Variants in EEA1 observed in about 807,000 individuals in gnomAD.
EEA1 encodes early endosome antigen 1.
In EEA1, 111 loss-of-function variants were observed where a neutral mutation model predicts 209.2. The observed-to-expected ratio is 0.53, with a 90% CI of 0.45 to 0.62. The LOEUF is 0.62. Ranked by LOEUF, EEA1 falls within the 20% of genes least tolerant of loss-of-function variation. EEA1 has a pLI of 0.00. For missense variants in EEA1, 1,343 were observed against 1,530.8 expected (o/e 0.88, Z 2.05); for synonymous variants, 536 against 540.6 (o/e 0.99, Z 0.12).
At chr12:92,928,487 G>A (rs1314642973) in intron 1 of EEA1, among the ~76,000 whole-genome samples, 2 of 152,198 alleles carry the variant, frequency 1.3e-5, no homozygotes, top group African/African-American at 4.8e-5. Flanking sequence ...CTGTGCCAGT[G>A]TCAGTCCCAC....
intron 12 of EEA1, among the ~76,000 whole-genome samples, chr12:92,827,542 A>G (rs1041249378): frequency 6.6e-6 from 1 of 152,162 alleles, no homozygotes; most frequent in African/African-American, 2.4e-5. Context: ...TTAAATGGAA[A>G]CTCAAAGTTT....
chr12:92,926,245 G>A (rs189311060), intron 1 of EEA1, among the ~76,000 whole-genome samples: 8 of 151,580 alleles, frequency 5.3e-5, no homozygotes, highest in Admixed American at 3.3e-4. Context: ...CGCCCGTCTC[G>A]GCCTCCCAAA....
chr12:92,910,432 G>C (rs1378241218), intron 1 of EEA1, among the ~76,000 whole-genome samples: 2 of 151,388 alleles, frequency 1.3e-5, no homozygotes, highest in Non-Finnish European at 2.9e-5. Flanking sequence ...TCATGCCACT[G>C]CACTACAGCC....
At chr12:92,816,132 G>A in intron 15 of EEA1, 68 bp downstream of exon 15, 1 of 1,396,390 alleles carries the variant, frequency 7.2e-7, no homozygotes, top group Non-Finnish European at 9.9e-7. Context: ...AAAAGAGATA[G>A]AAACAGAATT....
At chr12:92,903,589 A>G (rs922296061) in intron 1 of EEA1, among the ~76,000 whole-genome samples, 5 of 150,912 alleles carry the variant, frequency 3.3e-5, no homozygotes, top group African/African-American at 4.9e-5. Context: ...CAAAAGCAAA[A>G]CTCCATCTCA....
At chr12:92,909,143 G>C (rs1880490188) in intron 1 of EEA1, among the ~76,000 whole-genome samples, 1 of 152,140 alleles carries the variant, frequency 6.6e-6, no homozygotes, top group Non-Finnish European at 1.5e-5. Flanking sequence ...TCATTCAAAA[G>C]CTTAAAAGCA....
chr12:92,895,300 T>C (rs559156769), intron 1 of EEA1: 1 of 152,250 alleles, frequency 6.6e-6, no homozygotes, highest in African/African-American at 2.4e-5. Context: ...TAGCTGGGAC[T>C]ACAGGTGCCT....
At chr12:92,853,385 C>T (rs774986686) in intron 6 of EEA1, among the ~76,000 whole-genome samples, 29 of 151,954 alleles carry the variant, frequency 1.9e-4, no homozygotes, top group Non-Finnish European at 4.1e-4. Flanking sequence ...CGCTATGTTA[C>T]GGAGGCTGAT....
intron 1 of EEA1, among the ~76,000 whole-genome samples, chr12:92,908,007 A>G (rs1464380492): frequency 6.6e-6 from 1 of 152,180 alleles, no homozygotes; most frequent in Non-Finnish European, 1.5e-5. Context: ...TAAATGAACT[A>G]AAACAGATAT....
intron 1 of EEA1, among the ~76,000 whole-genome samples, chr12:92,928,200 ACT>A (rs1881283159): frequency 1.3e-5 from 2 of 152,224 alleles, no homozygotes; most frequent in South Asian, 2.1e-4. Context: ...AGGTACAATA[ACT>A]CTTACAGGAA....
intron 22 of EEA1, among the ~76,000 whole-genome samples, chr12:92,787,045 C>A (rs1345570390): frequency 6.6e-6 from 1 of 152,122 alleles, no homozygotes; most frequent in African/African-American, 2.4e-5. Flanking sequence ...TCAAGTCCCA[C>A]CTCCTTCATA....
chr12:92,795,741 C>G (rs1205644521), intron 21 of EEA1, among the ~76,000 whole-genome samples: 1 of 152,214 alleles, frequency 6.6e-6, no homozygotes, highest in Non-Finnish European at 1.5e-5. Context: ...TCATAGAGTT[C>G]TTCTTCCAAT....
chr12:92,816,421 A>G (rs773526470), intron 14 of EEA1, 21 bp from the exon 15 acceptor site: 68 of 1,602,956 alleles, frequency 4.2e-5, no homozygotes, highest in Non-Finnish European at 4.9e-5. Context: ...AGTAAGACTA[A>G]TCGTGAAGTT....
chr12:92,827,082 G>C (rs1876341701), intron 12 of EEA1, among the ~76,000 whole-genome samples: 1 of 152,116 alleles, frequency 6.6e-6, no homozygotes, highest in African/African-American at 2.4e-5. Flanking sequence ...CTGGCCAGTT[G>C]TGGTGGCTCA....
chr12:92,819,257 T>C (rs767432875), intron 14 of EEA1, 51 bp downstream of exon 14: 1 of 1,433,054 alleles, frequency 7.0e-7, no homozygotes, highest in South Asian at 1.4e-5. Flanking sequence ...TTAGTAAGAC[T>C]TAGAGAGACA....
chr12:92,853,575 T>C (rs1425176650), intron 6 of EEA1, among the ~76,000 whole-genome samples: 1 of 152,208 alleles, frequency 6.6e-6, no homozygotes, highest in African/African-American at 2.4e-5. Flanking sequence ...CATTAAAGTA[T>C]GCAGTCAACT....
chr12:92,851,042 G>C, intron 9 of EEA1, 69 bp downstream of exon 9: 1 of 1,416,654 alleles, frequency 7.1e-7, no homozygotes. Context: ...CTCAAATCCT[G>C]GCTTCACTCA....
At chr12:92,800,355 T>C (rs966165812) in intron 20 of EEA1, among the ~76,000 whole-genome samples, 1 of 152,208 alleles carries the variant, frequency 6.6e-6, no homozygotes, top group Non-Finnish European at 1.5e-5. Flanking sequence ...GAAGTCACAC[T>C]GAAGTTCCTC....
At chr12:92,793,245 A>T (rs983591248) in intron 21 of EEA1, among the ~76,000 whole-genome samples, 9 of 152,068 alleles carry the variant, frequency 5.9e-5, no homozygotes, top group Admixed American at 5.9e-4. Context: ...CTCTCTCACC[A>T]CTCCTATTCA....
Sources: gnomAD v4.1 joint callset for allele counts (sites outside exome capture counted in the v4.1 genomes callset) on GRCh38, gnomAD v4.1.1 for gene constraint, MANE v1.5 for transcripts, NCBI Gene and HGNC (gene_info 2026-07-23, HGNC 2026-07-21) for gene names.